CNTN6: variants seen among roughly 807,000 people sequenced by gnomAD.
CNTN6 encodes the protein contactin-6.
Under a neutral mutation model 122.8 loss-of-function variants are expected in CNTN6, and 137 were observed. The ratio of observed to expected loss-of-function variants is 1.12; its 90% CI spans 0.97 to 1.29. The LOEUF (loss-of-function observed/expected upper bound fraction) is 1.29, where lower values mean the gene tolerates loss of function less well. Among genes scored for constraint, CNTN6 ranks in the 50% most tolerant of loss-of-function variants. The pLI is 0.00. For missense variants in CNTN6, 1,634 were observed against 1,223.4 expected, an observed-to-expected ratio of 1.34 and a Z score of -5.01; for synonymous variants, 570 against 426.0, an observed-to-expected ratio of 1.34 and a Z score of -4.16.
intron 7 of CNTN6, among the ~76,000 whole-genome samples, chr3:1,319,440 A>G (rs265800): frequency 0.49 from 74,136 of 151,282 alleles, 18,579 homozygotes; most frequent in East Asian, 0.76. Flanking sequence ...TCTGCATAAT[A>G]TATGCATATA....
rs568724939 is a variant in CNTN6 at position 1,176,774 on chromosome 3, CATAG to C, written c.55+28718_55+28721del. On this transcript the variant is annotated intron_variant, in intron 2 of 22. Coordinates refer to ENST00000446702, the MANE Select transcript of CNTN6 (RefSeq NM_001289080.2). The stretch of plus-strand genomic sequence containing the variant: ...GAAGCAATAGATACAGACAACAATT[CATAG>C]ATAGATGTTTAGCTGTGAAGGGTTT... 2.4e-4 allele frequency among the ~76,000 whole-genome samples: 36 copies of C among 152,204 alleles called. No individual in the cohort carries two copies. The South Asian group carries it at 6.8e-3, about 29-fold the overall frequency.
chr3:1,111,064 G>T (rs1027325492), intron 1 of CNTN6, among the ~76,000 whole-genome samples: 1 of 152,154 alleles, frequency 6.6e-6, no homozygotes, highest in African/African-American at 2.4e-5. Flanking sequence ...TCATATGATT[G>T]TATGGAGGAT....
chr3:1,334,830 A>C (rs1317497287), intron 11 of CNTN6, among the ~76,000 whole-genome samples: 3 of 152,268 alleles, frequency 2.0e-5, no homozygotes, highest in African/African-American at 4.8e-5. Context: ...TAAAAGTTAA[A>C]ATTTAATTTG....
chr3:1,390,194 G>A (rs371314989), intron 20 of CNTN6, among the ~76,000 whole-genome samples: 3 of 151,896 alleles, frequency 2.0e-5, no homozygotes, highest in Non-Finnish European at 2.9e-5. Context: ...AAAGGACAGA[G>A]ATTATAACAA....
chr3:1,300,562 AAAGAAAGAAAGAAAGAAAG>A (rs1697134482), intron 7 of CNTN6, among the ~76,000 whole-genome samples: 1 of 23,828 alleles, frequency 4.2e-5, no homozygotes, highest in African/African-American at 2.5e-4. Flanking sequence ...AAAGAAAAAG[AAAGAAAGAAAGAAAGAAAG>A]AAAGAAAGAA....
intron 12 of CNTN6, among the ~76,000 whole-genome samples, chr3:1,366,372 A>G (rs79430266): frequency 0.034 from 5,228 of 152,250 alleles, 123 homozygotes; most frequent in South Asian, 0.053. Flanking sequence ...TCACCGATCC[A>G]TAAATACCGA....
intron 2 of CNTN6, among the ~76,000 whole-genome samples, chr3:1,204,469 G>C (rs995859976): frequency 3.9e-5 from 6 of 152,156 alleles, no homozygotes; most frequent in African/African-American, 1.2e-4. Context: ...AAATAGGCTT[G>C]TCTCTTTCAT....
At chr3:1,277,346 C>CTTTTCTTTT (rs1692561797) in intron 4 of CNTN6, among the ~76,000 whole-genome samples, 4 of 80,186 alleles carry the variant, frequency 5.0e-5, no homozygotes, top group East Asian at 7.5e-4. Context: ...AGTAGGTTTT[C>CTTTTCTTTT]TTTTTTTTTT....
chr3:1,322,737 T>C (rs915170383), intron 8 of CNTN6, among the ~76,000 whole-genome samples: 1 of 151,458 alleles, frequency 6.6e-6, no homozygotes, highest in Admixed American at 6.6e-5. Context: ...GGAGAACATA[T>C]TGTGTGTCTG....
chr3:1,163,403 G>A (rs951602199), intron 2 of CNTN6, among the ~76,000 whole-genome samples: 4 of 152,114 alleles, frequency 2.6e-5, no homozygotes, highest in South Asian at 2.1e-4. Context: ...GTTGTGCTAT[G>A]CCCTCATGTG....
chr3:1,348,478 C>T (rs1705110717), intron 11 of CNTN6, among the ~76,000 whole-genome samples: 1 of 151,968 alleles, frequency 6.6e-6, no homozygotes, highest in South Asian at 2.1e-4. Flanking sequence ...AATGCACATA[C>T]ATGTACATAA....
chr3:1,390,089 C>A (rs1342834865), intron 20 of CNTN6, among the ~76,000 whole-genome samples: 1 of 151,876 alleles, frequency 6.6e-6, no homozygotes, highest in Admixed American at 6.5e-5. Flanking sequence ...CTCTCCACCA[C>A]AAATCAACAG....
chr3:1,193,914 A>C (rs757986504), intron 2 of CNTN6, among the ~76,000 whole-genome samples: 1 of 152,172 alleles, frequency 6.6e-6, no homozygotes, highest in Non-Finnish European at 1.5e-5. Flanking sequence ...ACTGCCATCC[A>C]AAACAAGATA....
intron 2 of CNTN6, among the ~76,000 whole-genome samples, chr3:1,148,765 G>T (rs1186542269): frequency 6.6e-6 from 1 of 152,120 alleles, no homozygotes; most frequent in Non-Finnish European, 1.5e-5. Flanking sequence ...GCTCAAATGG[G>T]TCTTCTTTTG....
intron 1 of CNTN6, among the ~76,000 whole-genome samples, chr3:1,147,056 C>A (rs1171410573): frequency 1.3e-5 from 2 of 151,838 alleles, no homozygotes; most frequent in Non-Finnish European, 2.9e-5. Flanking sequence ...ATGATTTTTA[C>A]AATTTAAAAA....
chr3:1,138,715 A>T (rs2092542712), intron 1 of CNTN6, among the ~76,000 whole-genome samples: 1 of 152,096 alleles, frequency 6.6e-6, no homozygotes, highest in Admixed American at 6.6e-5. Context: ...TTCTGTTTTA[A>T]TAGGACCTTG....
At chr3:1,126,509 C>G (rs1367193250) in intron 1 of CNTN6, among the ~76,000 whole-genome samples, 2 of 151,800 alleles carry the variant, frequency 1.3e-5, no homozygotes, top group African/African-American at 2.4e-5. Flanking sequence ...ATTTATTCCC[C>G]TCTTCATACT....
intron 11 of CNTN6, among the ~76,000 whole-genome samples, chr3:1,330,933 T>A (rs1702202198): frequency 6.6e-6 from 1 of 151,874 alleles, no homozygotes; most frequent in African/African-American, 2.4e-5. Context: ...TTGTAGAACT[T>A]CCAATGTTTC....
rs185711416 is a variant in CNTN6, at chr3:1,149,952, A to G, written c.55+1889A>G. ...CCAGCTCTTATATTAACTTTTATTT[A>G]TACAAACTGGATGTGATTCAACATG... On this transcript the variant is annotated intron_variant, in intron 2 of 22. Coordinates refer to ENST00000446702, the MANE Select transcript of CNTN6 (RefSeq NM_001289080.2). Among the ~76,000 whole-genome samples the G allele has an allele frequency of 2.1e-3, 327 of 152,274 alleles. 2 individuals carry two copies. Among genetic ancestry groups the G allele is most frequent in the Middle Eastern group, 0.014 (4 of 294 alleles).
Sources: allele counts gnomAD v4.1 joint callset (sites outside exome capture counted in the v4.1 genomes callset), GRCh38; gene constraint gnomAD v4.1.1; transcripts MANE v1.5; gene names NCBI Gene and HGNC (gene_info 2026-07-23, HGNC 2026-07-21).